The following PIGQ variants were observed in gnomAD, a reference collection of about 807,000 sequenced individuals.
PIGQ encodes phosphatidylinositol N-acetylglucosaminyltransferase subunit Q.
A neutral mutation model predicts 60.3 loss-of-function variants in PIGQ; 54 were observed. The ratio of observed to expected loss-of-function variants is 0.90; its 90% CI spans 0.72 to 1.12. The LOEUF (loss-of-function observed/expected upper bound fraction) is 1.12. PIGQ is among the 50% of genes most tolerant of loss of function. The probability of loss-of-function intolerance (pLI) is 0.00; values close to 1 mark genes in which losing one functional copy is unlikely to be tolerated. For missense variants in PIGQ, 799 were observed against 793.5 expected (o/e 1.01, Z -0.08); for synonymous variants, 416 against 363.7 (o/e 1.14, Z -1.64).
chr16:571,243 G>GTGTGTGTT (rs1596380473), intron 1 of PIGQ, among the ~76,000 whole-genome samples: 1 of 147,960 alleles, frequency 6.8e-6, no homozygotes, highest in Admixed American at 6.7e-5. Context: ...GTGTGTGTGT[G>GTGTGTGTT]TGTGTCTGGC....
intron 4 of PIGQ, 46 bp downstream of exon 4, chr16:576,300 AC>A: frequency 6.5e-7 from 1 of 1,534,702 alleles, no homozygotes. Flanking sequence ...GGGCGTGGGG[AC>A]CCCTCCTGGG....
At chr16:573,778 T>C (rs2035670449) in intron 1 of PIGQ, among the ~76,000 whole-genome samples, 1 of 151,936 alleles carries the variant, frequency 6.6e-6, no homozygotes, top group African/African-American at 2.4e-5. Flanking sequence ...GGCCTGGAAA[T>C]GGGAGGGCAG....
intron 1 of PIGQ, among the ~76,000 whole-genome samples, chr16:573,755 C>T (rs186533064): frequency 1.3e-5 from 2 of 152,302 alleles, no homozygotes; most frequent in East Asian, 1.9e-4. Context: ...CCGAGGAGGC[C>T]GTGCCCTGGG....
intron 8 of PIGQ, chr16:580,655 G>A: frequency 1.7e-6 from 1 of 598,698 alleles, no homozygotes; most frequent in South Asian, 2.0e-5. Context: ...CTGACCTGGT[G>A]AGAGGGCCGG....
Position 583,016 on chromosome 16 carries a change from G to A in PIGQ, c.1727G>A (p.Arg576Lys), listed in dbSNP as rs756656099. The change falls in exon 11 of 11, where the codon AGA becomes AAA. Residue 576 changes from arginine (R) to lysine (K), a missense_variant. Physicochemically the swap from Arg to Lys is conservative, Grantham distance 26. Coordinates refer to ENST00000321878, the MANE Select transcript of PIGQ (RefSeq NM_004204.5). ...LGELIYPWRQ[R>K]GDKQD ...GAGCTCATCTACCCCTGGAGGCAGA[G>A]AGGGGACAAGCAGGACTGAGGGAAC... 1.2e-6 allele frequency: 2 copies of A among 1,613,164 alleles called. No individual in the cohort carries two copies. The highest frequency in any genetic ancestry group is 1.7e-6 in the Non-Finnish European group (2 of 1,179,998).
At chr16:577,372 T>G (rs761186173) in intron 4 of PIGQ, 1 of 151,940 alleles carries the variant, frequency 6.6e-6, no homozygotes, top group Non-Finnish European at 1.5e-5. Context: ...GGTCAGGAGA[T>G]CGAGACCATC....
Position 579,092 on chromosome 16 carries a change from G to C in PIGQ, c.1247G>C (p.Gly416Ala). ...GARLYCLKIH[G>A]LSSLWRLFRG... ...AGGCTGTACTGCCTGAAGATCCATG[G>C]CCTGTCCTCACTGTGGCGTCTGTTC... Residue 416 changes from glycine (G) to alanine (A), a missense_variant, in exon 7 of 11, where the codon GGC (glycine) becomes GCC (alanine). Transcript: ENST00000321878. 2.5e-6 allele frequency: 4 copies of C among 1,612,766 alleles called. No individual in the cohort carries two copies. Among genetic ancestry groups the C allele is most frequent in the Non-Finnish European group, 3.4e-6 (4 of 1,179,762 alleles).
chr16:578,992 G>T lies in PIGQ; in HGVS notation c.1223+54G>T, dbSNP rs1184714219. The T allele has an allele frequency of 2.3e-5, 35 of 1,523,906 alleles. No homozygotes were observed. In the Middle Eastern group the frequency reaches 5.1e-4, roughly 22 times the overall value. The allele number at this position is 1,523,906 out of a possible 1,614,324, so 94.4% of individuals were successfully genotyped here. A position where few individuals can be genotyped will look rare whatever the true frequency, so the allele number is the denominator to read the frequency against. ...CCCCCTGGGAGGTGCAGAGGCTCCGGCTGGGCGGGCGTTCGAGTGGGGCGG... is the reference window on the plus strand; with the variant it reads ...CCCCCTGGGAGGTGCAGAGGCTCCGTCTGGGCGGGCGTTCGAGTGGGGCGG... On this transcript the variant is annotated intron_variant, in intron 6 of 10. Coordinates refer to ENST00000321878, the MANE Select transcript of PIGQ (RefSeq NM_004204.5).
chr16:575,541 G>A (rs752852204), intron 2 of PIGQ, among the ~76,000 whole-genome samples: 1 of 152,200 alleles, frequency 6.6e-6, no homozygotes, highest in South Asian at 2.1e-4. Flanking sequence ...TGGGCCCGTG[G>A]GAGTTGCTGC....
rs2151044564 is a variant in PIGQ at position 574,606 on chromosome 16, A to C, written c.532A>C (p.Ser178Arg). 2 of 1,605,924 alleles carry C rather than the reference A, an allele frequency of 1.2e-6. No individual in the cohort carries two copies. The highest frequency in any genetic ancestry group is 8.5e-7 in the Non-Finnish European group (1 of 1,177,418). The change falls in exon 2 of 11, where the codon AGT becomes CGT. Residue 178 changes from serine (S) to arginine (R), a missense_variant. Ser to Arg is a moderately radical substitution (Grantham distance 110). Transcript: ENST00000321878. ...TVARSEVLFR[S>R]DRFDEGPVRL... ...AGCACGCAGTGAGGTGCTCTTCCGC[A>C]GTGACCGCTTTGATGAGGGCCCCGT...
chr16:582,673 A>C, intron 10 of PIGQ: 1 of 634,986 alleles, frequency 1.6e-6, no homozygotes, highest in Non-Finnish European at 2.8e-6. Flanking sequence ...GGCAGCCCCG[A>C]GGGGAGATGC....
intron 8 of PIGQ, 166 bp downstream of exon 8, chr16:580,429 G>A (rs940365042): frequency 1.9e-5 from 11 of 588,118 alleles, no homozygotes; most frequent in Non-Finnish European, 2.7e-5. Flanking sequence ...TGGAGTGGGC[G>A]AGGCCCTATC....
intron 9 of PIGQ, 81 bp downstream of exon 9, chr16:581,053 C>A: frequency 7.6e-7 from 1 of 1,319,476 alleles, no homozygotes; most frequent in Non-Finnish European, 1.1e-6. Flanking sequence ...GCAAGGACAG[C>A]ATGGGCCACT....
intron 1 of PIGQ, among the ~76,000 whole-genome samples, chr16:571,682 C>G (rs146440197): frequency 6.6e-6 from 1 of 151,076 alleles, no homozygotes; most frequent in Non-Finnish European, 1.5e-5. Context: ...CCGTCCCATA[C>G]CTCCTCTGCT....
chr16:578,320 G>A, intron 4 of PIGQ, 59 bp from the exon 5 acceptor site: 3 of 1,561,228 alleles, frequency 1.9e-6, no homozygotes, highest in South Asian at 2.3e-5. Context: ...AGAGCCTGGG[G>A]AGATGCAGGT....
intron 4 of PIGQ, chr16:577,314 A>C (rs569120618): frequency 1.3e-5 from 2 of 152,212 alleles, no homozygotes; most frequent in Admixed American, 6.5e-5. Context: ...GTGGTGGCTC[A>C]TGCCTGTAAT....
chr16:574,175 C>A lies in PIGQ; in HGVS notation c.101C>A (p.Ala34Glu). Reference sequence around the variant, plus strand: ...GAGCAGAGCAGCGCCGTGGTCCTGGCGGTCCTGCACTTTCCCTTCATCCCC... The same window carrying A: ...GAGCAGAGCAGCGCCGTGGTCCTGGAGGTCCTGCACTTTCCCTTCATCCCC... ...VPEQSSAVVL[A>E]VLHFPFIPIQ... Residue 34 changes from alanine to glutamate, a missense_variant, in exon 2 of 11, where the codon GCG (alanine) becomes GAG (glutamate). Transcript: ENST00000321878. 1 of 1,612,466 alleles carries A rather than the reference C, an allele frequency of 6.2e-7. No individual in the cohort carries two copies. The highest frequency in any genetic ancestry group is 8.5e-7 in the Non-Finnish European group (1 of 1,179,700).
At position 574,505 on chromosome 16, in the gene PIGQ, C is replaced by T. The variant is rs1229469786; in HGVS notation, c.431C>T (p.Pro144Leu). ...GTGTTGCTGTCACAGCTACACCTGC[C>T]CACCGTCCTGCCCGACCGCCAGGCT... Reference protein sequence around the residue: ...RQVLLSQLHLPTVLPDRQAGA... With the variant: ...RQVLLSQLHLLTVLPDRQAGA... The change falls in exon 2 of 11, where the codon CCC becomes CTC. Residue 144 changes from proline (P) to leucine (L), a missense_variant. Pro to Leu is a moderately conservative substitution (Grantham distance 98). Coordinates refer to ENST00000321878, the MANE Select transcript of PIGQ (RefSeq NM_004204.5). The T allele has an allele frequency of 2.5e-6, 4 of 1,608,478 alleles. No homozygotes were observed. In the African/African-American group the frequency reaches 4.0e-5, roughly 16 times the overall value.
chr16:579,227 G>A (rs2035774080), intron 7 of PIGQ, 47 bp downstream of exon 7: 3 of 1,495,772 alleles, frequency 2.0e-6, no homozygotes, highest in Non-Finnish European at 1.9e-6. Context: ...CCTCCGGCCT[G>A]TGCCCGCTGG....
Sources: allele counts gnomAD v4.1 joint callset (sites outside exome capture counted in the v4.1 genomes callset), GRCh38; gene constraint gnomAD v4.1.1; transcripts MANE v1.5; gene names NCBI Gene and HGNC (gene_info 2026-07-23, HGNC 2026-07-21).